The following ATP7B variants were observed in gnomAD, a reference collection of about 807,000 sequenced individuals.
The protein encoded by ATP7B is copper-transporting ATPase 2.
Under a neutral mutation model 118.9 loss-of-function variants are expected in ATP7B, and 113 were observed. The ratio of observed to expected loss-of-function variants is 0.95; its 90% CI spans 0.82 to 1.11. ATP7B has a LOEUF of 1.11. ATP7B is among the 50% of genes most tolerant of loss of function. The probability of loss-of-function intolerance (pLI) is 0.00; values close to 1 mark genes in which losing one functional copy is unlikely to be tolerated. For synonymous variants in ATP7B, 777 were observed against 727.4 expected, an observed-to-expected ratio of 1.07 and a Z score of -1.10; for missense variants, 1,867 against 1,871.4, an observed-to-expected ratio of 1.00 and a Z score of 0.04.
At chr13:51,963,525 CAGG>C (rs1958886526) in intron 5 of ATP7B, among the ~76,000 whole-genome samples, 3 of 151,784 alleles carry the variant, frequency 2.0e-5, no homozygotes, top group Non-Finnish European at 2.9e-5. Context: ...CACCTGACGT[CAGG>C]AGTTCTAGAC....
At chr13:51,936,757 G>A (rs746861068) in intron 19 of ATP7B, among the ~76,000 whole-genome samples, 67 of 152,226 alleles carry the variant, frequency 4.4e-4, no homozygotes, top group African/African-American at 1.5e-3. Flanking sequence ...GAACCCCTGA[G>A]CTCAAATGAC....
At chr13:51,981,810 A>C (rs1317388115) in intron 1 of ATP7B, among the ~76,000 whole-genome samples, 1 of 152,192 alleles carries the variant, frequency 6.6e-6, no homozygotes, top group African/African-American at 2.4e-5. Flanking sequence ...ACATAGTTCC[A>C]ATTTTTCAAA....
intron 1 of ATP7B, among the ~76,000 whole-genome samples, chr13:51,993,411 A>T (rs1028227098): frequency 6.6e-6 from 1 of 152,064 alleles, no homozygotes; most frequent in Admixed American, 6.6e-5. Flanking sequence ...CTACAAATAA[A>T]GAGAAACTGG....
At chr13:51,978,558 T>A (rs2140180199) in intron 1 of ATP7B, among the ~76,000 whole-genome samples, 1 of 152,324 alleles carries the variant, frequency 6.6e-6, no homozygotes, top group East Asian at 1.9e-4. Flanking sequence ...AAGCATGCCA[T>A]GGAGATATTA....
At chr13:51,997,575 G>A (rs533114248) in intron 1 of ATP7B, among the ~76,000 whole-genome samples, 8 of 152,306 alleles carry the variant, frequency 5.3e-5, no homozygotes, top group Admixed American at 1.3e-4. Flanking sequence ...GTTAGAAAGG[G>A]CAGAGTCTAG....
chr13:51,971,573 CA>C (rs1735780445), intron 2 of ATP7B, among the ~76,000 whole-genome samples: 1 of 152,212 alleles, frequency 6.6e-6, no homozygotes, highest in African/African-American at 2.4e-5. Context: ...AAACATCACA[CA>C]AAAACAGGCA....
At chr13:51,971,485 C>T (rs890681770) in intron 2 of ATP7B, among the ~76,000 whole-genome samples, 12 of 152,234 alleles carry the variant, frequency 7.9e-5, no homozygotes, top group African/African-American at 2.9e-4. Context: ...TAATCAAATC[C>T]AATTATTCTG....
intron 1 of ATP7B, among the ~76,000 whole-genome samples, chr13:51,989,405 G>C (rs189213135): frequency 2.6e-4 from 39 of 152,252 alleles, no homozygotes; most frequent in Admixed American, 2.2e-3. Context: ...TCTGAGGACA[G>C]ACTGTAAACT....
intron 1 of ATP7B, among the ~76,000 whole-genome samples, chr13:51,988,587 C>T (rs1421007848): frequency 9.2e-5 from 14 of 152,096 alleles, no homozygotes; most frequent in Admixed American, 7.2e-4. Context: ...AATCATTCTA[C>T]GATAAAGACA....
At chr13:51,986,231 A>T (rs1818762820) in intron 1 of ATP7B, among the ~76,000 whole-genome samples, 1 of 152,176 alleles carries the variant, frequency 6.6e-6, no homozygotes, top group Admixed American at 6.5e-5. Flanking sequence ...GATAAAGGAG[A>T]TATCACCACC....
At chr13:51,990,149 A>G (rs1179640106) in intron 1 of ATP7B, among the ~76,000 whole-genome samples, 2 of 151,944 alleles carry the variant, frequency 1.3e-5, no homozygotes, top group Non-Finnish European at 2.9e-5. Context: ...ATTAATTTAA[A>G]AAGTCTGATG....
At chr13:51,987,426 T>C (rs1952709610) in intron 1 of ATP7B, among the ~76,000 whole-genome samples, 1 of 152,158 alleles carries the variant, frequency 6.6e-6, no homozygotes, top group South Asian at 2.1e-4. Flanking sequence ...CACAAACAAA[T>C]GGAAAAACAT....
chr13:51,984,262 G>T (rs1952549801), intron 1 of ATP7B, among the ~76,000 whole-genome samples: 1 of 151,998 alleles, frequency 6.6e-6, no homozygotes, highest in South Asian at 2.1e-4. Context: ...AGAACTTCGT[G>T]AAGCATACAC....
At chr13:51,955,348 G>C (rs1019885556) in intron 9 of ATP7B, among the ~76,000 whole-genome samples, 1 of 152,178 alleles carries the variant, frequency 6.6e-6, no homozygotes, top group African/African-American at 2.4e-5. Flanking sequence ...TGGGACAGAG[G>C]GTTGGGCTCG....
chr13:51,976,489 G>T (rs1357454973), intron 1 of ATP7B, among the ~76,000 whole-genome samples: 1 of 152,180 alleles, frequency 6.6e-6, no homozygotes, highest in East Asian at 1.9e-4. Context: ...TAAGTAATTT[G>T]GGGGACAGCA....
intron 19 of ATP7B, 119 bp downstream of exon 19, chr13:51,937,157 G>A: frequency 1.2e-6 from 1 of 847,932 alleles, no homozygotes. Context: ...AAAAAAAACA[G>A]CCTTTCTAAA....
rs769852412 is a variant in ATP7B, at chr13:51,975,141, G to A, written c.79C>T (p.Arg27Cys). The change falls in exon 2 of 21, where the codon CGT (arginine) becomes TGT (cysteine). Residue 27 changes from arginine to cysteine, a missense_variant. Coordinates refer to ENST00000242839, the MANE Select transcript of ATP7B (RefSeq NM_000053.4). ...TTCTTCATTGCTGGTTCCCAGGCAC[G>A]GGTAGGCAAAGAAAGCTTAGATAAG... ...KILSKLSLPT[R>C]AWEPAMKKSF... The A allele has an allele frequency of 1.3e-5, 21 of 1,614,054 alleles. No homozygotes were observed. Among genetic ancestry groups the A allele is most frequent in the East Asian group, 2.2e-5 (1 of 44,896 alleles).
chr13:51,968,764 C>T (rs951242959), intron 3 of ATP7B, among the ~76,000 whole-genome samples, 157 bp from the exon 4 acceptor site: 1 of 152,120 alleles, frequency 6.6e-6, no homozygotes, highest in Admixed American at 6.5e-5. Context: ...ATGAGGCTTG[C>T]TTGGAAAGCC....
chr13:51,944,029 G>A, intron 14 of ATP7B, 80 bp downstream of exon 14: 1 of 1,575,766 alleles, frequency 6.3e-7, no homozygotes, highest in Non-Finnish European at 8.7e-7. Flanking sequence ...GGCTCCTCGA[G>A]GGCAGCTAGG....
Sources: allele counts gnomAD v4.1 joint callset (sites outside exome capture counted in the v4.1 genomes callset), GRCh38; gene constraint gnomAD v4.1.1; transcripts MANE v1.5; gene names NCBI Gene and HGNC (gene_info 2026-07-23, HGNC 2026-07-21).